Variants in RNF180 observed in about 807,000 individuals in gnomAD.
The protein encoded by RNF180 is E3 ubiquitin-protein ligase RNF180.
Under a neutral mutation model 59.2 loss-of-function variants are expected in RNF180, and 38 were observed. That is an observed-to-expected ratio of 0.64 (90% CI 0.50 to 0.84). The LOEUF (loss-of-function observed/expected upper bound fraction) is 0.84. Ranked by LOEUF, RNF180 falls within the 40% of genes least tolerant of loss-of-function variation. The probability of loss-of-function intolerance (pLI) is 0.00; values close to 1 mark genes in which losing one functional copy is unlikely to be tolerated. For synonymous variants in RNF180, 262 were observed against 240.3 expected, an observed-to-expected ratio of 1.09 and a Z score of -0.84; for missense variants, 705 against 700.9, an observed-to-expected ratio of 1.01 and a Z score of -0.07.
At chr5:64,369,529 CTTTG>C (rs1746583620) in intron 7 of RNF180, 82 bp from the exon 8 acceptor site, 6 of 745,156 alleles carry the variant, frequency 8.1e-6, no homozygotes, top group South Asian at 7.8e-5. Context: ...TCAGGATATG[CTTTG>C]TTTAACTGTA....
chr5:64,280,109 G>A (rs934133445), intron 5 of RNF180, among the ~76,000 whole-genome samples: 1 of 152,102 alleles, frequency 6.6e-6, no homozygotes, highest in African/African-American at 2.4e-5. Context: ...ATGCTAGTTG[G>A]CCATGTGTAT....
At chr5:64,356,271 TAAATG>T (rs1201817460) in intron 7 of RNF180, among the ~76,000 whole-genome samples, 1 of 150,092 alleles carries the variant, frequency 6.7e-6, no homozygotes, top group African/African-American at 2.4e-5. Context: ...AAAAAAAAAA[TAAATG>T]TGGTGTAAGG....
chr5:64,240,406 A>G (rs571494291), intron 5 of RNF180, among the ~76,000 whole-genome samples: 1 of 152,330 alleles, frequency 6.6e-6, no homozygotes, highest in East Asian at 1.9e-4. Flanking sequence ...AGGACATAAT[A>G]TATTTATAAT....
intron 1 of RNF180, among the ~76,000 whole-genome samples, chr5:64,192,841 A>G (rs1352936306): frequency 2.0e-5 from 3 of 148,974 alleles, no homozygotes; most frequent in Non-Finnish European, 4.4e-5. Flanking sequence ...AGAGTAGCCA[A>G]AATAAGGGGA....
chr5:64,185,516 T>G (rs985489858), intron 1 of RNF180, among the ~76,000 whole-genome samples: 1 of 152,216 alleles, frequency 6.6e-6, no homozygotes, highest in Non-Finnish European at 1.5e-5. Context: ...CATAATTTAG[T>G]TTCTAATTAG....
At chr5:64,305,532 G>C (rs1743396691) in intron 5 of RNF180, among the ~76,000 whole-genome samples, 1 of 151,218 alleles carries the variant, frequency 6.6e-6, no homozygotes, top group South Asian at 2.1e-4. Flanking sequence ...TACTACAGGT[G>C]ACAGTTTTAC....
chr5:64,179,199 TAAA>T (rs1750435108), intron 1 of RNF180, among the ~76,000 whole-genome samples: 1 of 152,178 alleles, frequency 6.6e-6, no homozygotes, highest in East Asian at 1.9e-4. Flanking sequence ...AGATTCCTAA[TAAA>T]AAATTTAATT....
At chr5:64,368,712 C>G (rs1004525881) in intron 7 of RNF180, among the ~76,000 whole-genome samples, 2 of 151,950 alleles carry the variant, frequency 1.3e-5, no homozygotes, top group Non-Finnish European at 2.9e-5. Flanking sequence ...TGAAAAAATG[C>G]TCATCATCAC....
chr5:64,277,261 A>G lies in RNF180; in HGVS notation c.1228-47925A>G, dbSNP rs533401460. On this transcript the variant is annotated intron_variant, in intron 5 of 7. Transcript: ENST00000389100. ...AGTCTAAGACAGTAGGGAAGGGGAAAGGCAAGCAAAATGGAAAGAAGTAAA... is the reference window on the plus strand; with the variant it reads ...AGTCTAAGACAGTAGGGAAGGGGAAGGGCAAGCAAAATGGAAAGAAGTAAA... Among the ~76,000 whole-genome samples, 28 of 152,144 alleles carry G rather than the reference A, an allele frequency of 1.8e-4. No homozygotes were observed. The East Asian group carries it at 5.4e-3, about 29-fold the overall frequency.
At chr5:64,333,332 C>T (rs1381276132) in intron 7 of RNF180, among the ~76,000 whole-genome samples, 3 of 152,028 alleles carry the variant, frequency 2.0e-5, no homozygotes, top group Admixed American at 6.6e-5. Flanking sequence ...TGCGTGCTAC[C>T]ATGCCAAGCT....
chr5:64,275,493 A>G (rs1427376915), intron 5 of RNF180, among the ~76,000 whole-genome samples: 1 of 151,514 alleles, frequency 6.6e-6, no homozygotes, highest in African/African-American at 2.4e-5. Flanking sequence ...AGAATGAATG[A>G]CAGTCCACAA....
intron 5 of RNF180, among the ~76,000 whole-genome samples, chr5:64,297,481 T>C (rs1742944830): frequency 6.6e-6 from 1 of 152,024 alleles, no homozygotes; most frequent in Non-Finnish European, 1.5e-5. Flanking sequence ...TTTTGTTGAT[T>C]TTTATTTTAA....
intron 5 of RNF180, among the ~76,000 whole-genome samples, chr5:64,294,667 C>A (rs1439760980): frequency 2.0e-5 from 3 of 152,136 alleles, no homozygotes; most frequent in Non-Finnish European, 4.4e-5. Flanking sequence ...TATATGTATT[C>A]ATAAAAACAT....
At chr5:64,305,910 A>G (rs1184757188) in intron 5 of RNF180, among the ~76,000 whole-genome samples, 1 of 151,626 alleles carries the variant, frequency 6.6e-6, no homozygotes, top group South Asian at 2.1e-4. Flanking sequence ...AGAACCATGC[A>G]ATGACTCTTT....
chr5:64,218,608 T>C (rs1169126717), intron 5 of RNF180, among the ~76,000 whole-genome samples: 1 of 152,186 alleles, frequency 6.6e-6, no homozygotes, highest in Non-Finnish European at 1.5e-5. Context: ...TTATAAAACA[T>C]CATGTTGGGA....
chr5:64,372,641 G>A lies in RNF180; in HGVS notation c.*2827G>A, dbSNP rs1746692749. On this transcript the variant is annotated 3_prime_UTR_variant, in exon 8 of 8. Coordinates refer to ENST00000389100, the MANE Select transcript of RNF180 (RefSeq NM_001113561.2). Reference sequence around the variant, plus strand: ...TTCTCAAAGAATGCCTTACAGAAGAGCATTCTCTGATTAAATGCAATTACA... The same window carrying A: ...TTCTCAAAGAATGCCTTACAGAAGAACATTCTCTGATTAAATGCAATTACA... 1 of 151,856 alleles carries A rather than the reference G, an allele frequency of 6.6e-6. No individual in the cohort carries two copies. Among genetic ancestry groups the A allele is most frequent in the African/African-American group, 2.4e-5 (1 of 41,394 alleles). The allele number at this position is 151,856 out of a possible 1,614,324, so 9.4% of individuals were successfully genotyped here.
chr5:64,357,781 T>A (rs541998766), intron 7 of RNF180, among the ~76,000 whole-genome samples: 16 of 151,978 alleles, frequency 1.1e-4, no homozygotes, highest in African/African-American at 3.9e-4. Context: ...ATGGCGAATA[T>A]AAATTCGAAT....
At chr5:64,344,699 C>T (rs1008030681) in intron 7 of RNF180, among the ~76,000 whole-genome samples, 1 of 152,008 alleles carries the variant, frequency 6.6e-6, no homozygotes, top group Non-Finnish European at 1.5e-5. Flanking sequence ...TGTACTGTAG[C>T]ACAGTGGTTG....
At chr5:64,290,379 A>G (rs1742514212) in intron 5 of RNF180, among the ~76,000 whole-genome samples, 1 of 152,218 alleles carries the variant, frequency 6.6e-6, no homozygotes, top group South Asian at 2.1e-4. Context: ...AGTTTTGTAG[A>G]TATCTATCAG....
Sources: gnomAD v4.1 joint callset for allele counts (sites outside exome capture counted in the v4.1 genomes callset) on GRCh38, gnomAD v4.1.1 for gene constraint, MANE v1.5 for transcripts, NCBI Gene and HGNC (gene_info 2026-07-23, HGNC 2026-07-21) for gene names.